The following NRXN1 variants were observed in gnomAD, a reference collection of about 807,000 sequenced individuals.
NRXN1 encodes the protein neurexin 1.
Under a neutral mutation model 150.9 loss-of-function variants are expected in NRXN1, and 39 were observed. The observed-to-expected ratio is 0.26, with a 90% CI of 0.20 to 0.34. NRXN1 has a LOEUF of 0.34. NRXN1 is among the 10% of genes least tolerant of loss of function. The pLI is 1.00. For synonymous variants in NRXN1, 924 were observed against 757.0 expected, an observed-to-expected ratio of 1.22 and a Z score of -3.62; for missense variants, 1,815 against 1,949.9, an observed-to-expected ratio of 0.93 and a Z score of 1.30.
intron 18 of NRXN1, among the ~76,000 whole-genome samples, chr2:50,171,943 T>C (rs2060056040): frequency 6.6e-6 from 1 of 152,012 alleles, no homozygotes; most frequent in South Asian, 2.1e-4. Flanking sequence ...TGAAGAGGAG[T>C]CTACAGAAAT....
At chr2:50,957,011 C>T (rs541621064) in intron 2 of NRXN1, among the ~76,000 whole-genome samples, 6 of 152,140 alleles carry the variant, frequency 3.9e-5, no homozygotes, top group African/African-American at 1.4e-4. Context: ...AATAAGGATG[C>T]CATGAAAGAT....
chr2:50,209,066 T>C (rs1183173317), intron 18 of NRXN1, among the ~76,000 whole-genome samples: 1 of 152,116 alleles, frequency 6.6e-6, no homozygotes, highest in African/African-American at 2.4e-5. Flanking sequence ...AGAATCCATG[T>C]CCACACTTTA....
At chr2:50,371,824 C>G (rs958025600) in intron 17 of NRXN1, among the ~76,000 whole-genome samples, 1 of 151,658 alleles carries the variant, frequency 6.6e-6, no homozygotes, top group African/African-American at 2.4e-5. Context: ...GTCATGTAAT[C>G]CAAGCTTACA....
intron 17 of NRXN1, among the ~76,000 whole-genome samples, chr2:50,273,220 T>A (rs1558425375): frequency 6.6e-6 from 1 of 152,152 alleles, no homozygotes; most frequent in African/African-American, 2.4e-5. Context: ...AATTTGGCAA[T>A]CTACCAAAAT....
At chr2:50,895,565 G>GT (rs773110380) in intron 5 of NRXN1, among the ~76,000 whole-genome samples, 3 of 145,016 alleles carry the variant, frequency 2.1e-5, no homozygotes, top group Admixed American at 6.8e-5. Context: ...GTTTTTTTTG[G>GT]TTGTTTTTTT....
At chr2:50,625,992 A>G (rs979270837) in intron 5 of NRXN1, among the ~76,000 whole-genome samples, 1 of 152,100 alleles carries the variant, frequency 6.6e-6, no homozygotes, top group Non-Finnish European at 1.5e-5. Context: ...CCCACTGTCA[A>G]CATTTATATT....
At chr2:50,853,804 T>G (rs1166317367) in intron 5 of NRXN1, among the ~76,000 whole-genome samples, 3 of 152,124 alleles carry the variant, frequency 2.0e-5, no homozygotes, top group Admixed American at 2.0e-4. Context: ...CTTTAATATG[T>G]AAGTCAATTA....
In NRXN1 at chr2:50,623,459, T is replaced by A. The variant is rs2104295426; in HGVS notation, c.989A>T (p.Tyr330Phe). The A allele has an allele frequency of 6.2e-7, 1 of 1,613,518 alleles. No individual in the cohort carries two copies. Among genetic ancestry groups the A allele is most frequent in the Non-Finnish European group, 8.5e-7 (1 of 1,179,562 alleles). The part of the protein sequence containing the change: ...LMLHTGKSAD[Y>F]VNLALKNGAV... ...TCCATTTTTCAGGGCAAGATTGACA[T>A]AATCAGCCGATTTCCCAGTGTGAAG... The change falls in exon 6 of 23, where the codon TAT becomes TTT. Residue 330 changes from tyrosine to phenylalanine, a missense_variant. Tyr to Phe is a conservative substitution (Grantham distance 22, BLOSUM62 3). Coordinates refer to ENST00000401669, the MANE Select transcript of NRXN1 (RefSeq NM_001330078.2).
chr2:50,119,099 A>T (rs1703485354), intron 18 of NRXN1, among the ~76,000 whole-genome samples: 2 of 152,088 alleles, frequency 1.3e-5, no homozygotes, highest in Admixed American at 6.6e-5. Flanking sequence ...ACTTGATCCA[A>T]GTTAAAATCT....
chr2:50,889,986 A>G (rs1277031948), intron 5 of NRXN1, among the ~76,000 whole-genome samples: 2 of 151,680 alleles, frequency 1.3e-5, no homozygotes, highest in Middle Eastern at 3.2e-3. Context: ...CAGTATTTAA[A>G]ATATTTTTAA....
chr2:49,984,718 A>AACAC (rs149322054), intron 21 of NRXN1, among the ~76,000 whole-genome samples: 5,221 of 146,756 alleles, frequency 0.036, 116 homozygotes, highest in African/African-American at 0.067. Context: ...AGAACACACA[A>AACAC]ACACACACAC....
chr2:50,659,093 C>T (rs1686915940), intron 5 of NRXN1, among the ~76,000 whole-genome samples: 1 of 152,066 alleles, frequency 6.6e-6, no homozygotes, highest in African/African-American at 2.4e-5. Flanking sequence ...TTGCTCCCCA[C>T]TGGCATGCCA....
At position 50,873,554 on chromosome 2, in the gene NRXN1, T is replaced by A. The variant is rs989313130; in HGVS notation, c.832+48315A>T. Among the ~76,000 whole-genome samples, 13 of 151,872 alleles carry A rather than the reference T, an allele frequency of 8.6e-5. 1 individual carries two copies. The highest frequency in any genetic ancestry group is 8.5e-4 in the Admixed American group (13 of 15,226). On this transcript the variant is annotated intron_variant, in intron 5 of 22. Transcript: ENST00000401669. ...AGCAGCAGAGTACTTAGGTTCTGAG[T>A]TATTTTTCATTTTGGGCGGGGTGGT...
chr2:50,503,743 G>C (rs899496923), intron 13 of NRXN1, among the ~76,000 whole-genome samples: 1 of 152,050 alleles, frequency 6.6e-6, no homozygotes, highest in African/African-American at 2.4e-5. Flanking sequence ...ACTAAATCTA[G>C]GGCAAAATTT....
intron 17 of NRXN1, among the ~76,000 whole-genome samples, chr2:50,319,165 T>A (rs548886455): frequency 1.3e-5 from 2 of 152,248 alleles, no homozygotes; most frequent in African/African-American, 4.8e-5. Flanking sequence ...AGTGGAATAA[T>A]AATGACTCTA....
chr2:50,938,020 C>CA (rs1402220670), intron 2 of NRXN1, among the ~76,000 whole-genome samples: 1 of 151,816 alleles, frequency 6.6e-6, no homozygotes, highest in Non-Finnish European at 1.5e-5. Context: ...AACTGTCATA[C>CA]AAGGTAGGTA....
At chr2:50,379,035 T>C (rs995599050) in intron 17 of NRXN1, among the ~76,000 whole-genome samples, 6 of 152,174 alleles carry the variant, frequency 3.9e-5, no homozygotes, top group African/African-American at 1.2e-4. Flanking sequence ...GTATCTGTCA[T>C]GCAGCAGGCA....
At chr2:50,690,461 A>G (rs1230144993) in intron 5 of NRXN1, among the ~76,000 whole-genome samples, 1 of 152,152 alleles carries the variant, frequency 6.6e-6, no homozygotes. Flanking sequence ...TCTCTAATCC[A>G]TCATATCATG....
chr2:50,536,390 C>T (rs1328306089), intron 10 of NRXN1, among the ~76,000 whole-genome samples: 4 of 152,216 alleles, frequency 2.6e-5, no homozygotes, highest in African/African-American at 7.2e-5. Context: ...ATTAAATTCT[C>T]ATTTACAAAT....
Sources: allele counts gnomAD v4.1 joint callset (sites outside exome capture counted in the v4.1 genomes callset), GRCh38; gene constraint gnomAD v4.1.1; transcripts MANE v1.5; gene names NCBI Gene and HGNC (gene_info 2026-07-23, HGNC 2026-07-21).